RC3H2: variants seen among roughly 807,000 people sequenced by gnomAD.
The protein encoded by RC3H2 is ring finger and CCCH-type domains 2.
RC3H2 carries 31 observed loss-of-function variants against 133.3 expected under a neutral mutation model. The ratio of observed to expected loss-of-function variants is 0.23; its 90% CI spans 0.17 to 0.31. The LOEUF (loss-of-function observed/expected upper bound fraction) is 0.31. Among genes scored for constraint, RC3H2 ranks in the 10% least tolerant of loss-of-function variants. The pLI, the probability that RC3H2 is intolerant of heterozygous loss-of-function variation, is 1.00. For synonymous variants in RC3H2, 517 were observed against 502.2 expected, an observed-to-expected ratio of 1.03 and a Z score of -0.40; for missense variants, 1,175 against 1,437.2, an observed-to-expected ratio of 0.82 and a Z score of 2.95.
At chr9:122,899,812 G>A (rs1236326955) in intron 1 of RC3H2, among the ~76,000 whole-genome samples, 4 of 152,186 alleles carry the variant, frequency 2.6e-5, no homozygotes, top group Non-Finnish European at 5.9e-5. Flanking sequence ...AAATATTTAT[G>A]AAAACAGGAC....
At chr9:122,880,254 T>C (rs1831557871) in intron 6 of RC3H2, 129 bp from the exon 7 acceptor site, 10 of 1,084,948 alleles carry the variant, frequency 9.2e-6, no homozygotes, top group Non-Finnish European at 1.4e-5. Context: ...GGAGTATCAG[T>C]GATGAATTAA....
chr9:122,851,865 C>T (rs111957293), intron 18 of RC3H2, among the ~76,000 whole-genome samples: 3 of 152,128 alleles, frequency 2.0e-5, no homozygotes, highest in Non-Finnish European at 4.4e-5. Context: ...ACCTCCCAGC[C>T]GCCTGCCTTG....
chr9:122,860,212 T>C (rs1436922670), intron 10 of RC3H2, 81 bp from the exon 11 acceptor site: 1 of 1,075,240 alleles, frequency 9.3e-7, no homozygotes. Context: ...TTAATAAAAT[T>C]ATATTCTGAA....
chr9:122,870,410 AAAC>A (rs529244129), intron 9 of RC3H2, among the ~76,000 whole-genome samples: 3,578 of 60,018 alleles, frequency 0.06, 152 homozygotes, highest in African/African-American at 0.14. Flanking sequence ...ACAAACAAAC[AAAC>A]AAAAAAAAAA....
chr9:122,900,137 C>G (rs1832599412), intron 1 of RC3H2, among the ~76,000 whole-genome samples: 1 of 152,018 alleles, frequency 6.6e-6, no homozygotes, highest in South Asian at 2.1e-4. Flanking sequence ...TACAATAGTC[C>G]TTAGTGTGTT....
intron 2 of RC3H2, among the ~76,000 whole-genome samples, chr9:122,895,053 C>T (rs1219080314): frequency 1.3e-5 from 2 of 152,060 alleles, no homozygotes; most frequent in East Asian, 1.9e-4. Flanking sequence ...AGAATTCACA[C>T]TGTAAAGACC....
chr9:122,866,358 C>A (rs954563484), intron 9 of RC3H2, among the ~76,000 whole-genome samples: 1 of 10,312 alleles, frequency 9.7e-5, no homozygotes, highest in Admixed American at 1.8e-3. Context: ...AAAATGTCTC[C>A]CTCTCCCCCT....
Position 122,883,198 on chromosome 9 carries a change from G to T in RC3H2, c.759+6C>A, listed in dbSNP as rs778540971. The T allele has an allele frequency of 1.9e-6, 3 of 1,609,666 alleles. 1 individual carries two copies. In the South Asian group the frequency reaches 3.3e-5, roughly 18 times the overall value. On this transcript the variant is annotated splice_donor_region_variant and intron_variant, in intron 5 of 20. Coordinates refer to ENST00000357244, the MANE Select transcript of RC3H2 (RefSeq NM_001100588.3). ...GCATGTCTTTACATAGATACTTACT[G>T]CTTACCTTAAAACAAGAAGCTCGAT... is the stretch of plus-strand genomic sequence containing the variant.
Position 122,888,025 on chromosome 9 carries a change from G to A in RC3H2, c.583+2287C>T, listed in dbSNP as rs371101810. On this transcript the variant is annotated intron_variant, in intron 4 of 20. Coordinates refer to ENST00000357244, the MANE Select transcript of RC3H2 (RefSeq NM_001100588.3). ...CTCCCAAAGTGCTGGGATTACAGGC[G>A]TGAGCCACTGCGCCTGGCCTTGTAT... Among the ~76,000 whole-genome samples, 32 of 152,174 alleles carry A rather than the reference G, an allele frequency of 2.1e-4. No individual in the cohort carries two copies. The East Asian group carries it at 2.5e-3, about 12-fold the overall frequency.
At chr9:122,867,369 A>C (rs10818755) in intron 9 of RC3H2, among the ~76,000 whole-genome samples, 114,083 of 118,076 alleles carry the variant, frequency 0.97, 55,273 homozygotes, top group Non-Finnish European at 1. Context: ...AAGTGAGGAG[A>C]CCCTCTGCCC....
rs10608695 is a variant in RC3H2, at chr9:122,859,252, C to CTTTTTTTTTTTTTTTT, written c.1850-166_1850-151dup. 131 of 190,828 alleles carry CTTTTTTTTTTTTTTTT rather than the reference C, an allele frequency of 6.9e-4. 14 individuals are homozygous for CTTTTTTTTTTTTTTTT. Among genetic ancestry groups the CTTTTTTTTTTTTTTTT allele is most frequent in the African/African-American group, 3.1e-3 (63 of 20,536 alleles). The allele number at this position is 190,828 out of a possible 1,614,324, so 11.8% of individuals were successfully genotyped here. ...TGCTTTATAAAGCTTTATACCCTGG[C>CTTTTTTTTTTTTTTTT]TTTTTTTTTTTTTTTTTTTTTTGGT... On this transcript the variant is annotated intron_variant, in intron 11 of 20. Transcript: ENST00000357244.
intron 11 of RC3H2, among the ~76,000 whole-genome samples, 192 bp from the exon 12 acceptor site, chr9:122,859,294 T>C (rs1036355792): frequency 2.3e-5 from 3 of 130,836 alleles, no homozygotes; most frequent in Non-Finnish European, 4.6e-5. Context: ...AGGGTCTTGC[T>C]ATGATGCCCA....
At chr9:122,853,653 G>A in intron 18 of RC3H2, 2 of 569,752 alleles carry the variant, frequency 3.5e-6, no homozygotes, top group Non-Finnish European at 5.8e-6. Flanking sequence ...TCGGGAAGCT[G>A]AGGCAGGAGA....
At chr9:122,904,341 C>G (rs1200475383) in intron 1 of RC3H2, among the ~76,000 whole-genome samples, 1 of 152,186 alleles carries the variant, frequency 6.6e-6, no homozygotes, top group South Asian at 2.1e-4. Context: ...GTATCTTAAA[C>G]GGCTGCCTTG....
At chr9:122,851,639 G>T in intron 18 of RC3H2, 2 of 625,536 alleles carry the variant, frequency 3.2e-6, no homozygotes, top group Non-Finnish European at 5.2e-6. Flanking sequence ...TGCAATTGCA[G>T]GCGCGCGCCG....
intron 2 of RC3H2, among the ~76,000 whole-genome samples, chr9:122,897,024 TAAAAAA>T (rs139505008): frequency 1.9e-4 from 7 of 37,020 alleles, no homozygotes; most frequent in South Asian, 1.1e-3. Context: ...AGACTCTGTC[TAAAAAA>T]AAAAAAAAAA....
chr9:122,859,414 C>T (rs988770850), intron 11 of RC3H2, among the ~76,000 whole-genome samples: 19 of 151,928 alleles, frequency 1.3e-4, no homozygotes, highest in African/African-American at 4.6e-4. Flanking sequence ...TTTCAAGACA[C>T]CACTATATGA....
intron 3 of RC3H2, among the ~76,000 whole-genome samples, chr9:122,892,601 C>T (rs1009406229): frequency 6.6e-6 from 1 of 152,050 alleles, no homozygotes; most frequent in Non-Finnish European, 1.5e-5. Context: ...TTAGTAGAGA[C>T]GGGGTTTCAC....
chr9:122,855,516 T>A, intron 14 of RC3H2, 119 bp from the exon 15 acceptor site: 1 of 986,552 alleles, frequency 1.0e-6, no homozygotes, highest in Non-Finnish European at 1.5e-6. Flanking sequence ...AGCTCTAGAC[T>A]CAACGATAAT....
Sources: gnomAD v4.1 joint callset for allele counts (sites outside exome capture counted in the v4.1 genomes callset) on GRCh38, gnomAD v4.1.1 for gene constraint, MANE v1.5 for transcripts, NCBI Gene and HGNC (gene_info 2026-07-23, HGNC 2026-07-21) for gene names.